Variants in DHRS3 observed in about 807,000 individuals in gnomAD.
The protein encoded by DHRS3 is short-chain dehydrogenase/reductase 3.
Under a neutral mutation model 27.2 loss-of-function variants are expected in DHRS3, and 14 were observed. The ratio of observed to expected loss-of-function variants is 0.52; its 90% CI spans 0.34 to 0.81. The LOEUF (loss-of-function observed/expected upper bound fraction) is 0.81. Ranked by LOEUF, DHRS3 falls within the 30% of genes least tolerant of loss-of-function variation. The probability of loss-of-function intolerance (pLI) is 0.01; values close to 1 mark genes in which losing one functional copy is unlikely to be tolerated. For synonymous variants in DHRS3, 165 were observed against 175.9 expected, an observed-to-expected ratio of 0.94 and a Z score of 0.49; for missense variants, 322 against 406.2, an observed-to-expected ratio of 0.79 and a Z score of 1.78.
chr1:12,579,234 C>CCA (rs757350754), intron 3 of DHRS3, 59 bp downstream of exon 3: 1 of 1,613,160 alleles, frequency 6.2e-7, no homozygotes, highest in Admixed American at 1.7e-5. Context: ...CCCCTCCCCT[C>CCA]CATCCTGCCT....
chr1:12,605,604 T>A (rs1261655753), intron 1 of DHRS3, among the ~76,000 whole-genome samples: 2 of 152,196 alleles, frequency 1.3e-5, no homozygotes, highest in Non-Finnish European at 2.9e-5. Context: ...AAACTAGGCA[T>A]ATATTTGAGA....
At chr1:12,589,987 C>G (rs1425159079) in intron 1 of DHRS3, among the ~76,000 whole-genome samples, 1 of 152,146 alleles carries the variant, frequency 6.6e-6, no homozygotes, top group Non-Finnish European at 1.5e-5. Context: ...CTAGGCACAG[C>G]CTTGACTGGG....
intron 1 of DHRS3, among the ~76,000 whole-genome samples, chr1:12,597,217 C>T (rs1646804796): frequency 6.6e-6 from 1 of 152,124 alleles, no homozygotes; most frequent in African/African-American, 2.4e-5. Flanking sequence ...CCTGGGATTA[C>T]AGGCGCCCAC....
intron 1 of DHRS3, chr1:12,600,441 A>T (rs1005745117): frequency 1.0e-6 from 1 of 970,784 alleles, no homozygotes; most frequent in African/African-American, 1.8e-5. Flanking sequence ...GCCAGGTCAG[A>T]CTCTTAATTC....
chr1:12,600,703 G>A (rs1392055935), intron 1 of DHRS3, among the ~76,000 whole-genome samples: 2 of 152,164 alleles, frequency 1.3e-5, no homozygotes, highest in Admixed American at 1.3e-4. Context: ...TCTCTGTTCT[G>A]CTCCCCTGCC....
At chr1:12,596,547 G>A (rs1476824670) in intron 1 of DHRS3, among the ~76,000 whole-genome samples, 1 of 151,950 alleles carries the variant, frequency 6.6e-6, no homozygotes, top group East Asian at 1.9e-4. Flanking sequence ...TTATCCCGCG[G>A]AGCTCCCAGA....
intron 4 of DHRS3, among the ~76,000 whole-genome samples, chr1:12,577,729 A>G (rs1222224652): frequency 6.6e-6 from 1 of 152,198 alleles, no homozygotes; most frequent in African/African-American, 2.4e-5. Flanking sequence ...AGGCTGAGGC[A>G]GGAGAATCAC....
intron 1 of DHRS3, among the ~76,000 whole-genome samples, chr1:12,597,735 A>C (rs1038528612): frequency 6.6e-6 from 1 of 152,190 alleles, no homozygotes; most frequent in South Asian, 2.1e-4. Context: ...TTTGAGGGGA[A>C]CTTGGGAGGA....
chr1:12,580,377 T>G (rs1345993207), intron 2 of DHRS3, 146 bp downstream of exon 2: 1 of 1,063,010 alleles, frequency 9.4e-7, no homozygotes. Flanking sequence ...TGGGGCCAGC[T>G]TCATGGGAGA....
At chr1:12,614,290 C>A (rs1000991456) in intron 1 of DHRS3, among the ~76,000 whole-genome samples, 1 of 152,126 alleles carries the variant, frequency 6.6e-6, no homozygotes, top group Non-Finnish European at 1.5e-5. Context: ...CGGGGCTGAC[C>A]ACTAGCCAGA....
At chr1:12,583,926 T>C (rs1557519089) in intron 1 of DHRS3, among the ~76,000 whole-genome samples, 1 of 149,672 alleles carries the variant, frequency 6.7e-6, no homozygotes, top group Non-Finnish European at 1.5e-5. Context: ...CATCTATCCA[T>C]TCATCCACCC....
intron 1 of DHRS3, among the ~76,000 whole-genome samples, chr1:12,606,082 G>A (rs1314047496): frequency 6.8e-6 from 1 of 147,128 alleles, no homozygotes; most frequent in African/African-American, 2.5e-5. Context: ...AGGTTGCAGT[G>A]AGCTGAGATC....
chr1:12,614,940 C>T (rs1646934750), intron 1 of DHRS3, among the ~76,000 whole-genome samples: 2 of 152,220 alleles, frequency 1.3e-5, no homozygotes, highest in Admixed American at 6.5e-5. Flanking sequence ...TGGTCTAGTA[C>T]TCTTGGGCCA....
intron 1 of DHRS3, among the ~76,000 whole-genome samples, chr1:12,583,944 C>T (rs970272744): frequency 7.4e-6 from 1 of 135,766 alleles, no homozygotes; most frequent in African/African-American, 2.6e-5. Flanking sequence ...CCCACCCACC[C>T]ACCCACCCAT....
rs535674513 is a variant in DHRS3 at position 12,610,225 on chromosome 1, C to T, written c.195+6929G>A. Among the ~76,000 whole-genome samples, 12 of 151,394 alleles carry T rather than the reference C, an allele frequency of 7.9e-5. No homozygotes were observed. In the South Asian group the frequency reaches 1.5e-3, roughly 19 times the overall value. On this transcript the variant is annotated intron_variant, in intron 1 of 5. Transcript: ENST00000616661. ...TCCCAAGTAGCTGGGATTATAAGTG[C>T]GCTCTACCATGCCCAGCAATTTTTT...
In DHRS3 at chr1:12,578,983, G is replaced by A. The variant is rs778963029; in HGVS notation, c.460-27C>T. 6 of 1,589,040 alleles carry A rather than the reference G, an allele frequency of 3.8e-6. No homozygotes were observed. Among genetic ancestry groups the A allele is most frequent in the Admixed American group, 1.7e-5 (1 of 59,816 alleles). On this transcript the variant is annotated intron_variant, in intron 3 of 5. Coordinates refer to ENST00000616661, the MANE Select transcript of DHRS3 (RefSeq NM_004753.7). The surrounding 1 kb of genome is among the most constrained non-coding windows in gnomAD (Gnocchi z 4.5). ...TGAGGGCAGATGGGGTGTCAGGGTG[G>A]AGCAGCTGCAGCTCTGACAACCCCT...
intron 1 of DHRS3, among the ~76,000 whole-genome samples, chr1:12,602,959 C>T (rs887646121): frequency 2.0e-5 from 3 of 152,270 alleles, no homozygotes; most frequent in African/African-American, 4.8e-5. Context: ...TCAAGGCACA[C>T]TCTCCCAGGG....
At chr1:12,587,769 G>A (rs757905476) in intron 1 of DHRS3, among the ~76,000 whole-genome samples, 36 of 152,226 alleles carry the variant, frequency 2.4e-4, no homozygotes, top group Non-Finnish European at 4.7e-4. Flanking sequence ...AGAAGGTAGA[G>A]TAAAAGCTTC....
At chr1:12,580,981 C>T (rs1238643558) in intron 1 of DHRS3, among the ~76,000 whole-genome samples, 1 of 151,878 alleles carries the variant, frequency 6.6e-6, no homozygotes, top group African/African-American at 2.4e-5. Context: ...TGCTACCATA[C>T]CTAGCTAATT....
Sources: gnomAD v4.1 joint callset for allele counts (sites outside exome capture counted in the v4.1 genomes callset) on GRCh38, gnomAD v4.1.1 for gene constraint, Gnocchi (gnomAD v3.1) non-coding constraint, MANE v1.5 for transcripts, NCBI Gene and HGNC (gene_info 2026-07-23, HGNC 2026-07-21) for gene names.